The following DDX23 variants were observed in gnomAD, a reference collection of about 807,000 sequenced individuals.
The protein encoded by DDX23 is probable ATP-dependent RNA helicase DDX23.
Under a neutral mutation model 102.7 loss-of-function variants are expected in DDX23, and 33 were observed. That is an observed-to-expected ratio of 0.32 (90% CI 0.24 to 0.43). DDX23 has a LOEUF of 0.43. Ranked by LOEUF, DDX23 falls within the 20% of genes least tolerant of loss-of-function variation. DDX23 has a pLI of 1.00. For synonymous variants in DDX23, 352 were observed against 376.0 expected (o/e 0.94, Z 0.74); for missense variants, 549 against 1,086.6 (o/e 0.51, Z 6.96).
In DDX23 at chr12:48,839,927, CT is replaced by C. The variant is rs766074748; in HGVS notation, c.415-19del. On this transcript the variant is annotated intron_variant, in intron 4 of 16. Coordinates refer to ENST00000308025, the MANE Select transcript of DDX23 (RefSeq NM_004818.3). ...GGCTGGGCCTGAAGATAAAACAGAA[CT>C]TTAGTCTATAAAGGCTCTCTCCCTT... 73 of 1,614,002 alleles carry C rather than the reference CT, an allele frequency of 4.5e-5. No homozygotes were observed. The highest frequency in any genetic ancestry group is 5.9e-5 in the Non-Finnish European group (70 of 1,179,998).
At chr12:48,837,841 A>G in intron 6 of DDX23, 101 bp downstream of exon 6, 1 of 1,561,816 alleles carries the variant, frequency 6.4e-7, no homozygotes, top group Non-Finnish European at 8.6e-7. Flanking sequence ...CCCCTTTCCA[A>G]ACTCCAGAGT....
intron 3 of DDX23, among the ~76,000 whole-genome samples, chr12:48,843,094 A>T (rs1254347182): frequency 1.3e-5 from 2 of 149,758 alleles, no homozygotes; most frequent in Non-Finnish European, 3.0e-5. Context: ...AGATGCTTGA[A>T]GGCAGCATGC....
intron 1 of DDX23, among the ~76,000 whole-genome samples, chr12:48,850,849 G>T (rs1267637307): frequency 2.0e-5 from 3 of 152,214 alleles, no homozygotes; most frequent in Non-Finnish European, 4.4e-5. Flanking sequence ...GACAAGAGCT[G>T]TTTCAGTTGC....
Position 48,830,089 on chromosome 12 carries a change from C to T in DDX23, c.*380G>A, listed in dbSNP as rs1938360273. On this transcript the variant is annotated 3_prime_UTR_variant, in exon 17 of 17. Coordinates refer to ENST00000308025, the MANE Select transcript of DDX23 (RefSeq NM_004818.3). This position sits in a 1 kb window ranked among gnomAD's most constrained non-coding sequence, Gnocchi z 4.9. ...GGCAATGATGCTACTGCAGTTTATGCAGTTACACAGTCAAGTCTGTGCCAA... is the reference window on the plus strand; with the variant it reads ...GGCAATGATGCTACTGCAGTTTATGTAGTTACACAGTCAAGTCTGTGCCAA... 7.5e-5 allele frequency: 30 copies of T among 400,878 alleles called. No individual in the cohort carries two copies. Among genetic ancestry groups the T allele is most frequent in the South Asian group, 4.6e-4 (24 of 52,258 alleles). The allele number at this position is 400,878 out of a possible 1,614,324, so 24.8% of individuals were successfully genotyped here.
In DDX23 at chr12:48,833,282, G is replaced by A. The variant is rs1938418246; in HGVS notation, c.1798C>T (p.Arg600Cys). 1 of 1,614,156 alleles carries A rather than the reference G, an allele frequency of 6.2e-7. No homozygotes were observed. Among genetic ancestry groups the A allele is most frequent in the Non-Finnish European group, 8.5e-7 (1 of 1,180,028 alleles). The change falls in exon 13 of 17, where the codon CGC becomes TGC. Residue 600 changes from arginine to cysteine, a missense_variant. Physicochemically the swap from Arg to Cys is radical, Grantham distance 180. Coordinates refer to ENST00000308025, the MANE Select transcript of DDX23 (RefSeq NM_004818.3). ...GCCCAGGGAAGCAGCCTTACTTGGC[G>A]GTACTTATGTTTTCCCGACTCAAAG... ...ANFESGKHKY[R>C]QTVMFTATMP... is the part of the protein sequence containing the mutation.
Position 48,830,613 on chromosome 12 carries a change from A to G in DDX23, c.2319T>C (p.Ser773=), listed in dbSNP as rs759964221. The change falls in exon 17 of 17, where the codon TCT becomes TCC. Residue 773 remains serine, a synonymous_variant. Coordinates refer to ENST00000308025, the MANE Select transcript of DDX23 (RefSeq NM_004818.3). The surrounding 1 kb of genome is among the most constrained non-coding windows in gnomAD (Gnocchi z 4.9). The stretch of plus-strand genomic sequence containing the variant: ...CTTGCTTCAGCTCGTAGAACACAGC[A>G]GAGTCCTCTTTTGTGAGGAAGGTGA... ...VAITFLTKED[S]AVFYELKQAI... is the part of the protein sequence containing the mutation. The G allele has an allele frequency of 5.0e-6, 8 of 1,614,164 alleles. No individual in the cohort carries two copies. In the South Asian group the frequency reaches 7.7e-5, roughly 16 times the overall value.
intron 3 of DDX23, among the ~76,000 whole-genome samples, chr12:48,843,544 T>G (rs1210138274): frequency 2.1e-5 from 3 of 139,916 alleles, no homozygotes; most frequent in African/African-American, 5.2e-5. Flanking sequence ...ACTTTCTTTC[T>G]TTCTTTTTTT....
At chr12:48,850,016 G>C (rs1482275712) in intron 1 of DDX23, among the ~76,000 whole-genome samples, 5 of 152,226 alleles carry the variant, frequency 3.3e-5, no homozygotes, top group Non-Finnish European at 5.9e-5. Context: ...TCAGAGTAGA[G>C]TTAACTTGGA....
intron 4 of DDX23, 41 bp from the exon 5 acceptor site, chr12:48,839,950 C>T: frequency 6.2e-7 from 1 of 1,613,596 alleles, no homozygotes; most frequent in East Asian, 2.2e-5. Context: ...AGGCTCTCTC[C>T]CTTTAAAGAT....
In DDX23 at chr12:48,836,486, A is replaced by C; in HGVS notation, c.1236+83T>G. 1 of 1,436,352 alleles carries C rather than the reference A, an allele frequency of 7.0e-7. No individual in the cohort carries two copies. The highest frequency in any genetic ancestry group is 2.3e-5 in the East Asian group (1 of 43,802). The allele number at this position is 1,436,352 out of a possible 1,614,324, so 89.0% of individuals were successfully genotyped here. A position where few individuals can be genotyped will look rare whatever the true frequency, so the allele number is the denominator to read the frequency against. ...GGTGCCCACTAGCAGCGATGGCTCC[A>C]AATAGTCAAGGAACAAAGTTCTCTA... On this transcript the variant is annotated intron_variant, in intron 10 of 16. Transcript: ENST00000308025. The surrounding 1 kb of genome is among the most constrained non-coding windows in gnomAD (Gnocchi z 6.1).
chr12:48,846,139 A>ATT (rs63743962), intron 1 of DDX23, among the ~76,000 whole-genome samples: 1 of 151,590 alleles, frequency 6.6e-6, no homozygotes, highest in Non-Finnish European at 1.5e-5. Flanking sequence ...TAGCTAATTT[A>ATT]TTTTTTTTAT....
At chr12:48,841,079 G>A (rs553757014) in intron 3 of DDX23, among the ~76,000 whole-genome samples, 18 of 152,110 alleles carry the variant, frequency 1.2e-4, no homozygotes, top group African/African-American at 4.3e-4. Context: ...TATACTTTCA[G>A]GGCCTGATAA....
chr12:48,837,233 G>T (rs1938478330), intron 8 of DDX23, 48 bp downstream of exon 8: 1 of 1,593,924 alleles, frequency 6.3e-7, no homozygotes, highest in Non-Finnish European at 8.6e-7. Flanking sequence ...CAGCTCTCTA[G>T]GACTGCCTAG....
intron 3 of DDX23, among the ~76,000 whole-genome samples, chr12:48,841,660 G>A (rs1397573559): frequency 1.3e-5 from 2 of 152,212 alleles, no homozygotes; most frequent in African/African-American, 4.8e-5. Context: ...ACGGGGTTTC[G>A]CTGTGTTGGC....
chr12:48,842,823 CATG>C (rs1565678425), intron 3 of DDX23, among the ~76,000 whole-genome samples: 1 of 152,240 alleles, frequency 6.6e-6, no homozygotes, highest in Admixed American at 6.5e-5. Context: ...GAGAACGGAC[CATG>C]ATGACAGTGG....
At chr12:48,833,007 G>A (rs1938414593) in intron 13 of DDX23, 2 of 508,642 alleles carry the variant, frequency 3.9e-6, no homozygotes, top group Non-Finnish European at 7.0e-6. Context: ...TTGAGACAGG[G>A]CCTCACTCTG....
intron 1 of DDX23, among the ~76,000 whole-genome samples, chr12:48,850,627 C>G (rs1023922425): frequency 6.6e-6 from 1 of 152,136 alleles, no homozygotes; most frequent in Non-Finnish European, 1.5e-5. Flanking sequence ...AACACTTTAA[C>G]AGGAGTTAGC....
intron 1 of DDX23, among the ~76,000 whole-genome samples, chr12:48,848,307 A>AC (rs1491269280): frequency 6.7e-6 from 1 of 150,214 alleles, no homozygotes; most frequent in Non-Finnish European, 1.5e-5. Flanking sequence ...AAAACAAAAA[A>AC]CAAAAAAAAA....
intron 5 of DDX23, among the ~76,000 whole-genome samples, chr12:48,838,970 G>A (rs978211769): frequency 6.6e-6 from 1 of 152,084 alleles, no homozygotes; most frequent in African/African-American, 2.4e-5. Flanking sequence ...CAACCTCCTG[G>A]GCTCAAGCAA....
Sources: allele counts gnomAD v4.1 joint callset (sites outside exome capture counted in the v4.1 genomes callset), GRCh38; gene constraint gnomAD v4.1.1; non-coding constraint Gnocchi (gnomAD v3.1); transcripts MANE v1.5; gene names NCBI Gene and HGNC (gene_info 2026-07-23, HGNC 2026-07-21).